Variants in GBP7 observed in about 807,000 individuals in gnomAD.
GBP7 encodes guanylate-binding protein 7.
GBP7 carries 43 observed loss-of-function variants against 61.3 expected under a neutral mutation model. The ratio of observed to expected loss-of-function variants is 0.70; its 90% CI spans 0.55 to 0.91. The LOEUF (loss-of-function observed/expected upper bound fraction) is 0.91, where lower values mean the gene tolerates loss of function less well. Ranked by LOEUF, GBP7 falls within the 40% of genes least tolerant of loss-of-function variation. The pLI is 0.00. For missense variants in GBP7, 717 were observed against 740.5 expected, an observed-to-expected ratio of 0.97 and a Z score of 0.37; for synonymous variants, 267 against 271.0, an observed-to-expected ratio of 0.99 and a Z score of 0.14.
At chr1:89,152,227 C>T in intron 5 of GBP7, 41 bp downstream of exon 5, 1 of 1,580,516 alleles carries the variant, frequency 6.3e-7, no homozygotes, top group Non-Finnish European at 8.7e-7. Context: ...TTGATCCCAC[C>T]CGCTACTGAA....
intron 2 of GBP7, among the ~76,000 whole-genome samples, chr1:89,166,881 C>T (rs1647458231): frequency 1.3e-5 from 2 of 152,178 alleles, no homozygotes; most frequent in African/African-American, 4.8e-5. Flanking sequence ...CAAGAGCCAG[C>T]ACACATATTA....
chr1:89,163,438 A>G (rs1409055627), intron 3 of GBP7, among the ~76,000 whole-genome samples: 2 of 151,546 alleles, frequency 1.3e-5, no homozygotes, highest in African/African-American at 2.4e-5. Context: ...TACTGCCTCA[A>G]TTTCAGAGCT....
At chr1:89,152,606 A>C (rs1312100055) in intron 4 of GBP7, 62 bp downstream of exon 4, 1 of 1,537,642 alleles carries the variant, frequency 6.5e-7, no homozygotes, top group Non-Finnish European at 8.9e-7. Flanking sequence ...AAGAAGACAC[A>C]GTATCAGTTT....
intron 9 of GBP7, among the ~76,000 whole-genome samples, chr1:89,137,388 T>C (rs1426597464): frequency 6.6e-6 from 1 of 152,054 alleles, no homozygotes; most frequent in African/African-American, 2.4e-5. Context: ...CTGATGAACA[T>C]GGATGAAAAA....
At chr1:89,162,042 C>CTTTT (rs58355264) in intron 3 of GBP7, among the ~76,000 whole-genome samples, 1 of 144,028 alleles carries the variant, frequency 6.9e-6, no homozygotes, top group African/African-American at 2.5e-5. Context: ...TTCCCCATTG[C>CTTTT]TTTTTTTTTT....
chr1:89,175,163 G>GT (rs1647707491), intron 1 of GBP7, among the ~76,000 whole-genome samples: 1 of 152,100 alleles, frequency 6.6e-6, no homozygotes, highest in Non-Finnish European at 1.5e-5. Flanking sequence ...AGATACTGCA[G>GT]TTTTCTTTTT....
chr1:89,167,006 A>G (rs1647462566), intron 2 of GBP7, among the ~76,000 whole-genome samples: 1 of 152,188 alleles, frequency 6.6e-6, no homozygotes, highest in Non-Finnish European at 1.5e-5. Flanking sequence ...GGATGCACCT[A>G]TGATTTATTA....
chr1:89,172,572 T>C (rs1163115042), intron 1 of GBP7, among the ~76,000 whole-genome samples: 2 of 152,208 alleles, frequency 1.3e-5, no homozygotes, highest in African/African-American at 4.8e-5. Context: ...CCATTTTCAG[T>C]GTCTTGTATT....
At chr1:89,150,705 A>G in intron 5 of GBP7, 130 bp from the exon 6 acceptor site, 8 of 919,836 alleles carry the variant, frequency 8.7e-6, no homozygotes, top group African/African-American at 1.7e-5. Flanking sequence ...ATGTAATCAA[A>G]CCTCTCATGC....
rs1475002538 is a variant in GBP7 at position 89,149,535 on chromosome 1, G to C, written c.909C>G (p.Ile303Met). Residue 303 changes from isoleucine (I) to methionine (M), a missense_variant, in exon 7 of 11, where the codon ATC becomes ATG. Ile to Met is a conservative substitution (Grantham distance 10). Transcript: ENST00000294671. ...CCAGACAAGGAGTCGCTCCACTGTT[G>C]ATGGCATCCAGGTAGGTCTCCACCA... ...GMLVETYLDA[I>M]NSGATPCLEN... The C allele has an allele frequency of 6.2e-7, 1 of 1,613,958 alleles. No individual in the cohort carries two copies. Among genetic ancestry groups the C allele is most frequent in the African/African-American group, 1.3e-5 (1 of 74,926 alleles).
chr1:89,138,141 TGAAAGAAATCTGA>T (rs1181688905), intron 9 of GBP7, among the ~76,000 whole-genome samples: 1 of 152,080 alleles, frequency 6.6e-6, no homozygotes, highest in Non-Finnish European at 1.5e-5. Flanking sequence ...AAAACACTGC[TGAAAGAAATCTGA>T]GACTGCACAA....
At chr1:89,138,104 G>A (rs1372766974) in intron 9 of GBP7, among the ~76,000 whole-genome samples, 1 of 152,052 alleles carries the variant, frequency 6.6e-6, no homozygotes, top group African/African-American at 2.4e-5. Flanking sequence ...AATCAGGGAG[G>A]TGAAGCATCT....
intron 8 of GBP7, among the ~76,000 whole-genome samples, chr1:89,144,934 G>C (rs1395492324): frequency 6.8e-6 from 1 of 146,400 alleles, no homozygotes; most frequent in African/African-American, 2.5e-5. Flanking sequence ...TCTACTCTCT[G>C]TTAATGTGAC....
intron 2 of GBP7, among the ~76,000 whole-genome samples, chr1:89,169,626 A>G (rs903172576): frequency 6.6e-6 from 1 of 152,228 alleles, no homozygotes; most frequent in African/African-American, 2.4e-5. Context: ...AATTGCTAAA[A>G]TAAAAAACTG....
At chr1:89,156,395 A>G (rs1008990820) in intron 3 of GBP7, among the ~76,000 whole-genome samples, 1 of 152,236 alleles carries the variant, frequency 6.6e-6, no homozygotes, top group Non-Finnish European at 1.5e-5. Flanking sequence ...TCCAATTAAA[A>G]GACACAGACT....
intron 2 of GBP7, among the ~76,000 whole-genome samples, chr1:89,165,330 TC>T (rs1165708326): frequency 3.9e-5 from 6 of 151,988 alleles, no homozygotes; most frequent in African/African-American, 1.4e-4. Flanking sequence ...TGAAATCCTG[TC>T]TCTACTAAAA....
intron 3 of GBP7, among the ~76,000 whole-genome samples, chr1:89,164,420 C>T (rs1647363824): frequency 6.6e-6 from 1 of 152,218 alleles, no homozygotes; most frequent in South Asian, 2.1e-4. Context: ...TTACCTGGTT[C>T]ATTGATTAGC....
intron 3 of GBP7, among the ~76,000 whole-genome samples, chr1:89,159,162 T>C (rs1319949475): frequency 1.3e-5 from 2 of 152,162 alleles, no homozygotes; most frequent in Non-Finnish European, 2.9e-5. Flanking sequence ...TAGCCCTATG[T>C]AGAAAGCTGA....
At position 89,150,376 on chromosome 1, in the gene GBP7, A is replaced by T; in HGVS notation, c.825T>A (p.His275Gln). 6.2e-7 allele frequency: 1 copy of T among 1,613,970 alleles called. No individual in the cohort carries two copies. Among genetic ancestry groups the T allele is most frequent in the Non-Finnish European group, 8.5e-7 (1 of 1,179,866 alleles). The change falls in exon 6 of 11, where the codon CAT becomes CAA. Residue 275 changes from histidine to glutamine, a missense_variant. Around this residue, in one of 3 missense-constraint regions of GBP7, gnomAD observed 387 missense variants for 385.2 expected, o/e 1.00. Coordinates refer to ENST00000294671, the MANE Select transcript of GBP7 (RefSeq NM_207398.3). ...CCTCTCTCAGGGTCTTGGTCTTTGC[A>T]TGGGTGAAGATATAAGAACAGAAAT... ...SENFCSYIFTHAKTKTLREGI... is the reference protein window; with the variant it reads ...SENFCSYIFTQAKTKTLREGI...
Sources: allele counts gnomAD v4.1 joint callset (sites outside exome capture counted in the v4.1 genomes callset), GRCh38; gene constraint gnomAD v4.1.1; regional missense constraint gnomAD v4.1.1; transcripts MANE v1.5; gene names NCBI Gene and HGNC (gene_info 2026-07-23, HGNC 2026-07-21).